SCAPER: variants seen among roughly 807,000 people sequenced by gnomAD.
The protein encoded by SCAPER is S phase cyclin A-associated protein in the endoplasmic reticulum.
A neutral mutation model predicts 182.2 loss-of-function variants in SCAPER; 98 were observed. That is an observed-to-expected ratio of 0.54 (90% CI 0.46 to 0.64). The LOEUF is 0.64. Among genes scored for constraint, SCAPER ranks in the 30% least tolerant of loss-of-function variants. SCAPER has a pLI of 0.00. For synonymous variants in SCAPER, 605 were observed against 564.6 expected (o/e 1.07, Z -1.01); for missense variants, 1,432 against 1,690.0 (o/e 0.85, Z 2.68).
intron 23 of SCAPER, among the ~76,000 whole-genome samples, chr15:76,565,451 G>T (rs1166650701): frequency 2.6e-5 from 4 of 152,040 alleles, no homozygotes; most frequent in Non-Finnish European, 5.9e-5. Flanking sequence ...GATCATTAGA[G>T]AAATGCAAAT....
At chr15:76,440,907 GTTTTTTTTTTGTTTTTTTTTTTT>G (rs2047531423) in intron 25 of SCAPER, among the ~76,000 whole-genome samples, 1 of 82,818 alleles carries the variant, frequency 1.2e-5, no homozygotes, top group Non-Finnish European at 2.2e-5. Flanking sequence ...TCCCCTTCTG[GTTTTTTTTTTGTTTTTTTTTTTT>G]TTTTTTTTGG....
intron 5 of SCAPER, among the ~76,000 whole-genome samples, chr15:76,835,432 AAAAAC>A (rs1428100875): frequency 6.6e-6 from 1 of 152,222 alleles, no homozygotes; most frequent in Non-Finnish European, 1.5e-5. Flanking sequence ...AAACAGAACT[AAAAAC>A]AAAAACCACA....
chr15:76,540,285 C>T (rs547721504), intron 23 of SCAPER, among the ~76,000 whole-genome samples: 1 of 151,848 alleles, frequency 6.6e-6, no homozygotes, highest in South Asian at 2.1e-4. Context: ...GCCTGTAGTC[C>T]TAGCTACTCA....
At chr15:76,687,641 C>A (rs776214056) in intron 20 of SCAPER, among the ~76,000 whole-genome samples, 25 of 152,118 alleles carry the variant, frequency 1.6e-4, no homozygotes, top group Non-Finnish European at 2.9e-4. Flanking sequence ...CTTCTTGTGT[C>A]CAGGTGTTCT....
chr15:76,853,526 G>A (rs1423248681), intron 4 of SCAPER, among the ~76,000 whole-genome samples: 2 of 151,286 alleles, frequency 1.3e-5, no homozygotes, highest in Non-Finnish European at 2.9e-5. Context: ...ATCAATAAAT[G>A]TGATTCAACA....
chr15:76,627,974 T>C (rs1012108065), intron 21 of SCAPER, among the ~76,000 whole-genome samples: 5 of 152,338 alleles, frequency 3.3e-5, no homozygotes, highest in Admixed American at 6.5e-5. Context: ...TTTTTAATAA[T>C]TGCCATTCTG....
intron 4 of SCAPER, 39 bp from the exon 5 acceptor site, chr15:76,841,970 A>G (rs769560688): frequency 3.0e-5 from 46 of 1,553,428 alleles, no homozygotes; most frequent in Middle Eastern, 1.8e-4. Context: ...AAATAAATAA[A>G]AGGGCTTCCA....
intron 24 of SCAPER, among the ~76,000 whole-genome samples, chr15:76,498,069 G>C (rs1427507364): frequency 6.8e-6 from 1 of 147,844 alleles, no homozygotes. Flanking sequence ...ACAGATATTG[G>C]CGTATGTAAC....
At chr15:76,793,034 T>C (rs907628135) in intron 8 of SCAPER, among the ~76,000 whole-genome samples, 5 of 152,208 alleles carry the variant, frequency 3.3e-5, no homozygotes, top group Non-Finnish European at 7.3e-5. Context: ...AACTTGTTCA[T>C]ATCATCTCTT....
chr15:76,599,558 G>T lies in SCAPER; in HGVS notation c.2711+22206C>A, dbSNP rs1230278487. ...GTACTGTCCAGCAATAAAAAGGAAT[G>T]AATTGATAAACACAACATGGGTGAA... On this transcript the variant is annotated intron_variant, in intron 22 of 31. Transcript: ENST00000563290. 3.3e-5 allele frequency among the ~76,000 whole-genome samples: 4 copies of T among 122,150 alleles called. 1 individual carries two copies. The highest frequency in any genetic ancestry group is 6.0e-5 in the Non-Finnish European group (3 of 50,206). The allele number at this position is 122,150 out of a possible 152,430, so 80.1% of individuals were successfully genotyped here.
At chr15:76,805,849 G>A (rs1414886924) in intron 5 of SCAPER, among the ~76,000 whole-genome samples, 1 of 152,144 alleles carries the variant, frequency 6.6e-6, no homozygotes, top group Non-Finnish European at 1.5e-5. Context: ...TTACAGGTGT[G>A]ATCCACCGTG....
At chr15:76,579,548 TAAA>T (rs2048116683) in intron 22 of SCAPER, among the ~76,000 whole-genome samples, 1 of 144,264 alleles carries the variant, frequency 6.9e-6, no homozygotes, top group African/African-American at 2.5e-5. Flanking sequence ...AAAAAAAAAA[TAAA>T]AAGCAAGAAA....
At chr15:76,615,408 T>C (rs931111897) in intron 22 of SCAPER, among the ~76,000 whole-genome samples, 4 of 151,240 alleles carry the variant, frequency 2.6e-5, no homozygotes, top group Non-Finnish European at 4.4e-5. Context: ...ATCGCGCCAC[T>C]GCACTCTAGC....
intron 22 of SCAPER, among the ~76,000 whole-genome samples, chr15:76,584,198 T>C (rs941562948): frequency 9.9e-5 from 15 of 152,220 alleles, no homozygotes; most frequent in African/African-American, 4.8e-5. Context: ...TTTTCACTTA[T>C]GTTTGGGAGC....
chr15:76,882,842 T>C (rs1424383842), intron 2 of SCAPER, among the ~76,000 whole-genome samples: 1 of 152,152 alleles, frequency 6.6e-6, no homozygotes, highest in Non-Finnish European at 1.5e-5. Context: ...TTTTTTGTAT[T>C]TTTAGCAGAG....
chr15:76,716,970 TAC>T (rs999627845), intron 17 of SCAPER, among the ~76,000 whole-genome samples: 2 of 152,004 alleles, frequency 1.3e-5, no homozygotes, highest in African/African-American at 4.8e-5. Flanking sequence ...CTCTCCAAGG[TAC>T]ACTATAATCA....
intron 5 of SCAPER, among the ~76,000 whole-genome samples, chr15:76,839,154 T>C (rs1026390935): frequency 6.6e-6 from 1 of 152,228 alleles, no homozygotes; most frequent in Non-Finnish European, 1.5e-5. Flanking sequence ...TAGTCAGAAA[T>C]CCTGGGCAAA....
rs1039556735 is a variant in SCAPER, at chr15:76,822,037, A to T, written c.394-17404T>A. Among the ~76,000 whole-genome samples, 13 of 152,290 alleles carry T rather than the reference A, an allele frequency of 8.5e-5. 1 individual carries two copies. In the East Asian group the frequency reaches 2.5e-3, roughly 29 times the overall value. On this transcript the variant is annotated intron_variant, in intron 5 of 31. Coordinates refer to ENST00000563290, the MANE Select transcript of SCAPER (RefSeq NM_020843.4). ...AGAATTAACAGGCAGAGCACAGGGG[A>T]TTTTTAGGGCAATGAAACTACTCTG... is the stretch of plus-strand genomic sequence containing the variant.
At chr15:76,491,972 G>A (rs2052360170) in intron 24 of SCAPER, among the ~76,000 whole-genome samples, 1 of 152,114 alleles carries the variant, frequency 6.6e-6, no homozygotes, top group South Asian at 2.1e-4. Context: ...ACGTTGAAGT[G>A]TCTCACTGTA....
Sources: allele counts gnomAD v4.1 joint callset (sites outside exome capture counted in the v4.1 genomes callset), GRCh38; gene constraint gnomAD v4.1.1; transcripts MANE v1.5; gene names NCBI Gene and HGNC (gene_info 2026-07-23, HGNC 2026-07-21).